Variants in RAPGEF4 observed in about 807,000 individuals in gnomAD.
RAPGEF4 encodes RAP guanine-nucleotide-exchange factor (GEF) 4.
RAPGEF4 carries 66 observed loss-of-function variants against 147.9 expected under a neutral mutation model. That is an observed-to-expected ratio of 0.45 (90% CI 0.37 to 0.55). RAPGEF4 has a LOEUF of 0.55. RAPGEF4 is among the 20% of genes least tolerant of loss of function. The pLI is 0.00. For missense variants in RAPGEF4, 1,071 were observed against 1,257.3 expected (o/e 0.85, Z 2.24); for synonymous variants, 419 against 442.7 (o/e 0.95, Z 0.67).
intron 4 of RAPGEF4, among the ~76,000 whole-genome samples, chr2:172,910,463 G>A (rs2150002248): frequency 6.6e-6 from 1 of 152,298 alleles, no homozygotes; most frequent in South Asian, 2.1e-4. Context: ...TTTATCTATT[G>A]TCTAACCAAA....
At chr2:172,944,867 G>A (rs1256231561) in intron 6 of RAPGEF4, among the ~76,000 whole-genome samples, 6 of 152,140 alleles carry the variant, frequency 3.9e-5, no homozygotes, top group African/African-American at 1.4e-4. Context: ...GATGTTGCAA[G>A]TATGTCTAAA....
intron 29 of RAPGEF4, 112 bp from the exon 30 acceptor site, chr2:173,048,488 A>G (rs546526178): frequency 6.6e-7 from 1 of 1,512,096 alleles, no homozygotes; most frequent in East Asian, 2.4e-5. Flanking sequence ...ACATCTCAGA[A>G]CATGTCACTT....
rs554809739 is a variant in RAPGEF4 at position 172,967,090 on chromosome 2, G to A, written c.821-171G>A. On this transcript the variant is annotated intron_variant, in intron 9 of 30. Coordinates refer to ENST00000397081, the MANE Select transcript of RAPGEF4 (RefSeq NM_007023.4). ...GTGGTGTGCATGACTGCAGCCCCGAGGTCATGTCTTCCAGCTGCACAGTCT... is the reference window on the plus strand; with the variant it reads ...GTGGTGTGCATGACTGCAGCCCCGAAGTCATGTCTTCCAGCTGCACAGTCT... 64 of 627,936 alleles carry A rather than the reference G, an allele frequency of 1.0e-4. No individual in the cohort carries two copies. In the African/African-American group the frequency reaches 1.1e-3, roughly 11 times the overall value. 38.9% of individuals were successfully genotyped at this position (627,936 alleles called of 1,614,324 possible). A position where few individuals can be genotyped will look rare whatever the true frequency, so the allele number is the denominator to read the frequency against.
intron 4 of RAPGEF4, among the ~76,000 whole-genome samples, chr2:172,914,567 G>A (rs1054874813): frequency 6.6e-6 from 1 of 151,608 alleles, no homozygotes; most frequent in African/African-American, 2.4e-5. Flanking sequence ...GAGAGGGAGG[G>A]AGGAAGGGAA....
intron 6 of RAPGEF4, among the ~76,000 whole-genome samples, chr2:172,937,037 CAAAAAAAAAA>C (rs34104170): frequency 4.8e-4 from 25 of 52,602 alleles, no homozygotes; most frequent in African/African-American, 1.8e-3. Context: ...CCTCTCTCTG[CAAAAAAAAAA>C]AAAAAAAAAA....
At chr2:172,853,053 A>G (rs1488581112) in intron 4 of RAPGEF4, among the ~76,000 whole-genome samples, 1 of 151,902 alleles carries the variant, frequency 6.6e-6, no homozygotes, top group Non-Finnish European at 1.5e-5. Context: ...ATTTGCTGAT[A>G]TTTGCTGTAA....
chr2:172,819,461 C>CTTTTTTTTTTTTTTTTTT lies in RAPGEF4; in HGVS notation c.444+5041_444+5058dup, dbSNP rs1242605865. 1.3e-4 allele frequency among the ~76,000 whole-genome samples: 11 copies of CTTTTTTTTTTTTTTTTTT among 87,008 alleles called. 1 individual carries two copies. Among genetic ancestry groups the CTTTTTTTTTTTTTTTTTT allele is most frequent in the East Asian group, 3.6e-4 (1 of 2,762 alleles). The allele number at this position is 87,008 out of a possible 152,430, so 57.1% of individuals were successfully genotyped here. Reference sequence around the variant, plus strand: ...AAGTCTTAGAATACCATTTTTAGTTCTTTTTTTTTTTTTTTTTTTTTTGAG... The same window carrying CTTTTTTTTTTTTTTTTTT: ...AAGTCTTAGAATACCATTTTTAGTTCTTTTTTTTTTTTTTTTTTTTTTTTTTTTTTTTTTTTTTTTGAG... On this transcript the variant is annotated intron_variant, in intron 4 of 30. Transcript: ENST00000397081.
At chr2:172,800,304 A>G (rs1686840057) in intron 3 of RAPGEF4, among the ~76,000 whole-genome samples, 1 of 152,178 alleles carries the variant, frequency 6.6e-6, no homozygotes, top group Admixed American at 6.5e-5. Context: ...CCAGCTTTCC[A>G]GCCAGTTCTG....
intron 23 of RAPGEF4, among the ~76,000 whole-genome samples, chr2:173,024,802 C>T (rs376306111): frequency 2.6e-5 from 4 of 152,302 alleles, no homozygotes; most frequent in South Asian, 4.1e-4. Flanking sequence ...AACACAAACT[C>T]CTAATCTGGT....
intron 4 of RAPGEF4, among the ~76,000 whole-genome samples, chr2:172,878,105 T>C (rs1032095550): frequency 1.2e-4 from 19 of 152,210 alleles, no homozygotes; most frequent in African/African-American, 4.6e-4. Flanking sequence ...GCACTTCAAA[T>C]GAATTAATTC....
chr2:172,990,662 G>A (rs1412847755), intron 14 of RAPGEF4, 148 bp from the exon 15 acceptor site: 7 of 625,318 alleles, frequency 1.1e-5, no homozygotes, highest in South Asian at 1.9e-5. Flanking sequence ...CTCTCTGACC[G>A]TTCCAGCCCT....
chr2:173,030,919 A>G (rs1697131830), intron 26 of RAPGEF4, among the ~76,000 whole-genome samples: 1 of 152,236 alleles, frequency 6.6e-6, no homozygotes, highest in African/African-American at 2.4e-5. Flanking sequence ...CTTTGTACTC[A>G]AAATGTGCTT....
rs1408191591 is a variant in RAPGEF4 at position 173,052,474 on chromosome 2, G to A, written c.*707G>A. On this transcript the variant is annotated 3_prime_UTR_variant, in exon 31 of 31. Coordinates refer to ENST00000397081, the MANE Select transcript of RAPGEF4 (RefSeq NM_007023.4). ...TGCCAAGATTCTTAAATTTGCCAGCGTTAAAGTAGAAAATAACATTTCAGA... is the reference window on the plus strand; with the variant it reads ...TGCCAAGATTCTTAAATTTGCCAGCATTAAAGTAGAAAATAACATTTCAGA... 1.3e-5 allele frequency: 2 copies of A among 152,496 alleles called. No homozygotes were observed. The highest frequency in any genetic ancestry group is 6.5e-5 in the Admixed American group (1 of 15,278). The allele number at this position is 152,496 out of a possible 1,614,324, so 9.4% of individuals were successfully genotyped here.
At chr2:172,945,676 G>A (rs1253425690) in intron 6 of RAPGEF4, among the ~76,000 whole-genome samples, 2 of 151,988 alleles carry the variant, frequency 1.3e-5, no homozygotes, top group African/African-American at 4.8e-5. Context: ...GAGTTACTAT[G>A]CTATTAAAAT....
chr2:172,960,103 A>G (rs964303566), intron 6 of RAPGEF4, among the ~76,000 whole-genome samples: 3 of 152,154 alleles, frequency 2.0e-5, no homozygotes, highest in African/African-American at 7.2e-5. Context: ...TTTAAAAACT[A>G]GAATGTAGAT....
chr2:172,862,315 G>A (rs1224786472), intron 4 of RAPGEF4, among the ~76,000 whole-genome samples: 2 of 152,080 alleles, frequency 1.3e-5, no homozygotes, highest in African/African-American at 2.4e-5. Flanking sequence ...TTTGGGACCG[G>A]GTCAGAAGGA....
intron 29 of RAPGEF4, among the ~76,000 whole-genome samples, chr2:173,041,890 CCCT>C (rs1215389515): frequency 2.0e-5 from 3 of 150,464 alleles, no homozygotes; most frequent in African/African-American, 7.4e-5. Context: ...CTCACAGGTC[CCCT>C]CCTCCAAAAT....
intron 1 of RAPGEF4, among the ~76,000 whole-genome samples, chr2:172,777,795 T>C (rs140683760): frequency 1.5e-4 from 23 of 152,268 alleles, no homozygotes; most frequent in African/African-American, 5.3e-4. Flanking sequence ...AGACAGATCT[T>C]TTTTGTGTGT....
rs560039358 is a variant in RAPGEF4, at chr2:172,967,913, T to C, written c.1004+469T>C. 7.8e-4 allele frequency among the ~76,000 whole-genome samples: 119 copies of C among 152,290 alleles called. 1 individual carries two copies. In the South Asian group the frequency reaches 0.024, roughly 30 times the overall value. On this transcript the variant is annotated intron_variant, in intron 10 of 30. Coordinates refer to ENST00000397081, the MANE Select transcript of RAPGEF4 (RefSeq NM_007023.4). ...AGGCTTCTGTTCTTCAGCTTAAAGC[T>C]CATTCTTCTGAGCACACCACAACTG... is the stretch of plus-strand genomic sequence containing the variant.
Sources: gnomAD v4.1 joint callset for allele counts (sites outside exome capture counted in the v4.1 genomes callset) on GRCh38, gnomAD v4.1.1 for gene constraint, MANE v1.5 for transcripts, NCBI Gene and HGNC (gene_info 2026-07-23, HGNC 2026-07-21) for gene names.